Variants in EP400 observed in about 807,000 individuals in gnomAD.
EP400 encodes the protein E1A binding protein p400.
In EP400, 105 loss-of-function variants were observed where a neutral mutation model predicts 354.1. The observed-to-expected ratio is 0.30, with a 90% CI of 0.25 to 0.35. The LOEUF (loss-of-function observed/expected upper bound fraction) is 0.35, where lower values mean the gene tolerates loss of function less well. Among genes scored for constraint, EP400 ranks in the 10% least tolerant of loss-of-function variants. EP400 has a pLI of 1.00. For synonymous variants in EP400, 1,646 were observed against 1,716.9 expected (o/e 0.96, Z 1.02); for missense variants, 3,280 against 4,121.0 (o/e 0.80, Z 5.59).
chr12:131,986,698 G>A lies in EP400; in HGVS notation c.2114G>A (p.Arg705Gln), dbSNP rs748839911. 2.2e-5 allele frequency: 35 copies of A among 1,613,958 alleles called. No homozygotes were observed. Among genetic ancestry groups the A allele is most frequent in the Non-Finnish European group, 2.7e-5 (32 of 1,180,032 alleles). Residue 705 changes from arginine (R) to glutamine (Q), a missense_variant, in exon 6 of 53, where the codon CGG becomes CAG. Transcript: ENST00000389561. ...AAGGCACTATCTCCAGTCACTTCCC[G>A]GACCCCAGGGGTGGTGGCATCTGCC... ...TNKALSPVTSRTPGVVASAPT... is the reference protein window; with the variant it reads ...TNKALSPVTSQTPGVVASAPT...
Position 132,013,823 on chromosome 12 carries a change from A to G in EP400, c.3833A>G (p.Lys1278Arg). ...AGGAGAACTAAGAGAGATGTGGAAA[A>G]GCAACTAACAAAGAAATATGAGCAT... is the stretch of plus-strand genomic sequence containing the variant. Reference protein sequence around the residue: ...ILRRTKRDVEKQLTKKYEHVL... With the variant: ...ILRRTKRDVERQLTKKYEHVL... Residue 1278 changes from lysine (K) to arginine (R), a missense_variant, in exon 19 of 53, where the codon AAG (lysine) becomes AGG (arginine). Lys to Arg is a conservative substitution (Grantham distance 26, BLOSUM62 2). Around this residue, in one of 20 missense-constraint regions of EP400, gnomAD observed 242 missense variants for 357.9 expected, o/e 0.68. Transcript: ENST00000389561. This position sits in a 1 kb window ranked among gnomAD's most constrained non-coding sequence, Gnocchi z 4.5. 6.2e-7 allele frequency: 1 copy of G among 1,614,278 alleles called. No individual in the cohort carries two copies. The highest frequency in any genetic ancestry group is 8.5e-7 in the Non-Finnish European group (1 of 1,180,052).
Position 132,044,835 on chromosome 12 carries a change from C to T in EP400, c.6666C>T (p.Ser2222=), listed in dbSNP as rs756146758. Residue 2222 remains serine, a synonymous_variant, in exon 37 of 53, where the codon AGC becomes AGT. Coordinates refer to ENST00000389561, the MANE Select transcript of EP400 (RefSeq NM_015409.5). The part of the protein sequence containing the change: ...WTPPTPPQDD[S]DIYLDSVMCL... ...CACCCACCCCGCCGCAGGACGACAG[C>T]GACATCTACCTCGACTCGGTCATGT... 13 of 1,614,160 alleles carry T rather than the reference C, an allele frequency of 8.1e-6. No individual in the cohort carries two copies. Among genetic ancestry groups the T allele is most frequent in the Middle Eastern group, 1.6e-4 (1 of 6,062 alleles).
intron 52 of EP400, 78 bp downstream of exon 52, chr12:132,076,671 A>G: frequency 7.5e-7 from 1 of 1,329,116 alleles, no homozygotes; most frequent in East Asian, 2.3e-5. Context: ...GGTCATGATT[A>G]GGGAATCACT....
At chr12:132,043,622 C>G (rs758389720) in intron 33 of EP400, 23 bp from the exon 34 acceptor site, 1 of 1,595,102 alleles carries the variant, frequency 6.3e-7, no homozygotes. Flanking sequence ...TAACCCTATT[C>G]AAAAAATATA....
At chr12:132,057,450 A>G (rs1441632753) in intron 45 of EP400, among the ~76,000 whole-genome samples, 1 of 152,228 alleles carries the variant, frequency 6.6e-6, no homozygotes, top group East Asian at 1.9e-4. Context: ...ATAACAGAAA[A>G]CAGATGAATG....
At chr12:132,024,539 A>G (rs576018346) in intron 24 of EP400, among the ~76,000 whole-genome samples, 11 of 152,342 alleles carry the variant, frequency 7.2e-5, no homozygotes, top group Middle Eastern at 3.4e-3. Flanking sequence ...CCTTTGGTGA[A>G]GAGCAGTGTG....
chr12:131,965,025 C>A (rs912540681), intron 2 of EP400, among the ~76,000 whole-genome samples: 1 of 152,214 alleles, frequency 6.6e-6, no homozygotes, highest in African/African-American at 2.4e-5. Context: ...AAAGTACAGA[C>A]CAATTATTTT....
At chr12:132,060,953 A>T (rs1365355842) in intron 45 of EP400, among the ~76,000 whole-genome samples, 1 of 152,026 alleles carries the variant, frequency 6.6e-6, no homozygotes, top group Non-Finnish European at 1.5e-5. Context: ...AAAACAAAAA[A>T]AAACAAGGGC....
chr12:131,981,658 A>C, intron 4 of EP400, 62 bp downstream of exon 4: 1 of 1,414,098 alleles, frequency 7.1e-7, no homozygotes, highest in East Asian at 2.5e-5. Context: ...GCGGTTCCAG[A>C]AACCAGCACC....
intron 2 of EP400, among the ~76,000 whole-genome samples, chr12:131,970,228 C>T (rs1185191645): frequency 6.6e-6 from 1 of 152,162 alleles, no homozygotes; most frequent in African/African-American, 2.4e-5. Context: ...GAGTGCCTAT[C>T]AACACGAAAA....
chr12:132,018,405 G>A lies in EP400; in HGVS notation c.4277+29G>A. 1.0e-5 allele frequency: 16 copies of A among 1,571,300 alleles called. No individual in the cohort carries two copies. Among genetic ancestry groups the A allele is most frequent in the Non-Finnish European group, 1.4e-5 (16 of 1,163,778 alleles). Reference sequence around the variant, plus strand: ...CGTGCGACCCAGAGGCAGCGGGGAGGGTTGGCTCCCAGGGCCCCCACAGCT... The same window carrying A: ...CGTGCGACCCAGAGGCAGCGGGGAGAGTTGGCTCCCAGGGCCCCCACAGCT... On this transcript the variant is annotated intron_variant, in intron 21 of 52. Transcript: ENST00000389561. This position sits in a 1 kb window ranked among gnomAD's most constrained non-coding sequence, Gnocchi z 4.0.
chr12:132,002,920 G>A (rs1893465105), intron 12 of EP400, among the ~76,000 whole-genome samples: 1 of 152,188 alleles, frequency 6.6e-6, no homozygotes. Context: ...TTTCTTCACA[G>A]AGATGTGGAA....
Position 132,017,572 on chromosome 12 carries a change from G to A in EP400, c.3961G>A (p.Val1321Ile). ...EALKSGHFVNVLSILVRLQRI... is the reference protein window; with the variant it reads ...EALKSGHFVNILSILVRLQRI... ...CTTGAAGAGCGGGCACTTTGTCAAC[G>A]TCCTGAGCATCCTTGTGCGGCTGCA... is the stretch of plus-strand genomic sequence containing the variant. Residue 1321 changes from valine to isoleucine, a missense_variant, in exon 20 of 53, where the codon GTC (valine) becomes ATC (isoleucine). By Grantham distance (29) the Val-to-Ile change is conservative. Transcript: ENST00000389561. The surrounding 1 kb of genome is among the most constrained non-coding windows in gnomAD (Gnocchi z 5.0). The A allele has an allele frequency of 6.8e-6, 11 of 1,614,004 alleles. No individual in the cohort carries two copies. Among genetic ancestry groups the A allele is most frequent in the Non-Finnish European group, 9.3e-6 (11 of 1,179,958 alleles).
In EP400 at chr12:132,045,905, G is replaced by C; in HGVS notation, c.7200+5G>C. ...ATTCCACGAGAGGAGGGGAAGGTAAGCACGGTCTCGTTTGTCCTTCGAGGA... is the reference window on the plus strand; with the variant it reads ...ATTCCACGAGAGGAGGGGAAGGTAACCACGGTCTCGTTTGTCCTTCGAGGA... On this transcript the variant is annotated splice_donor_5th_base_variant and intron_variant, in intron 39 of 52. Coordinates refer to ENST00000389561, the MANE Select transcript of EP400 (RefSeq NM_015409.5). 5 of 1,614,106 alleles carry C rather than the reference G, an allele frequency of 3.1e-6. No homozygotes were observed. Among genetic ancestry groups the C allele is most frequent in the Non-Finnish European group, 3.4e-6 (4 of 1,179,964 alleles).
chr12:132,044,205 G>C lies in EP400; in HGVS notation c.6479G>C (p.Trp2160Ser), dbSNP rs1895007812. ...GCAGTGATGACTGCAGTGAGGGCAT[G>C]GGAGTTCTGGAACCTGAAGACCCTG... ...EDAVMTAVRAWEFWNLKTLQE... is the reference protein window; with the variant it reads ...EDAVMTAVRASEFWNLKTLQE... Residue 2160 changes from tryptophan to serine, a missense_variant, in exon 35 of 53, where the codon TGG becomes TCG. Around this residue, in one of 20 missense-constraint regions of EP400, gnomAD observed 231 missense variants for 257.9 expected, o/e 0.90. Transcript: ENST00000389561. The C allele has an allele frequency of 1.2e-6, 2 of 1,614,240 alleles. No homozygotes were observed. The highest frequency in any genetic ancestry group is 1.7e-6 in the Non-Finnish European group (2 of 1,180,056).
At chr12:132,065,876 C>G (rs992617710) in intron 48 of EP400, 3 of 152,236 alleles carry the variant, frequency 2.0e-5, no homozygotes, top group African/African-American at 7.2e-5. Flanking sequence ...TCAGTGGCCT[C>G]TTTTTGGAGA....
chr12:132,060,521 G>T (rs1457273746), intron 45 of EP400, among the ~76,000 whole-genome samples: 1 of 152,226 alleles, frequency 6.6e-6, no homozygotes, highest in East Asian at 1.9e-4. Context: ...CGGCTCACTT[G>T]TCAGCAGCAG....
intron 32 of EP400, among the ~76,000 whole-genome samples, chr12:132,040,827 G>T (rs11246907): frequency 0.066 from 10,059 of 152,194 alleles, 604 homozygotes; most frequent in African/African-American, 0.14. Flanking sequence ...GCCCTTGGAA[G>T]GGTTTGAGTC....
chr12:132,033,340 C>CTTA (rs1365229696), intron 30 of EP400, among the ~76,000 whole-genome samples: 1 of 152,160 alleles, frequency 6.6e-6, no homozygotes, highest in African/African-American at 2.4e-5. Flanking sequence ...TTTCTAAGTG[C>CTTA]TTACTGTTAC....
Sources: gnomAD v4.1 joint callset for allele counts (sites outside exome capture counted in the v4.1 genomes callset) on GRCh38, gnomAD v4.1.1 for gene constraint, gnomAD v4.1.1 regional missense constraint, Gnocchi (gnomAD v3.1) non-coding constraint, MANE v1.5 for transcripts, NCBI Gene and HGNC (gene_info 2026-07-23, HGNC 2026-07-21) for gene names.